OAS3: variants seen among roughly 807,000 people sequenced by gnomAD.
The protein encoded by OAS3 is 2'-5'-oligoadenylate synthase 3.
In OAS3, 107 loss-of-function variants were observed where a neutral mutation model predicts 113.0. That is an observed-to-expected ratio of 0.95 (90% CI 0.81 to 1.11). The LOEUF (loss-of-function observed/expected upper bound fraction) is 1.11, where lower values mean the gene tolerates loss of function less well. OAS3 is among the 50% of genes most tolerant of loss of function. The pLI is 0.00. For synonymous variants in OAS3, 552 were observed against 573.6 expected (o/e 0.96, Z 0.54); for missense variants, 1,258 against 1,389.1 (o/e 0.91, Z 1.50).
chr12:112,946,293 A>G (rs941512600), intron 3 of OAS3, among the ~76,000 whole-genome samples: 10 of 152,142 alleles, frequency 6.6e-5, no homozygotes, highest in Admixed American at 5.2e-4. Context: ...GAAATCATGC[A>G]TTTTGGGATG....
In OAS3 at chr12:112,972,511, G is replaced by A. The variant is rs10744791; in HGVS notation, c.*2538G>A. ...CACATATGCTTTTCGATGGAACCAG[G>A]TAAGTTGACGCTAAAGTTCTTATGG... On this transcript the variant is annotated 3_prime_UTR_variant, in exon 16 of 16. Coordinates refer to ENST00000228928, the MANE Select transcript of OAS3 (RefSeq NM_006187.4). 0.78 allele frequency: 118,905 copies of A among 152,196 alleles called. 47,514 individuals are homozygous for A. Among genetic ancestry groups the A allele is most frequent in the African/African-American group, 0.94 (39,244 of 41,536 alleles). 9.4% of individuals were successfully genotyped at this position (152,196 alleles called of 1,614,324 possible).
chr12:112,964,523 A>G, intron 11 of OAS3, 115 bp downstream of exon 11: 1 of 1,093,086 alleles, frequency 9.1e-7, no homozygotes, highest in South Asian at 1.6e-5. Context: ...AAAGCCAGGC[A>G]TAGAGAAAGA....
At chr12:112,942,570 CAGGTGTAGT>C (rs2043689434) in intron 2 of OAS3, among the ~76,000 whole-genome samples, 1 of 151,634 alleles carries the variant, frequency 6.6e-6, no homozygotes, top group Non-Finnish European at 1.5e-5. Flanking sequence ...AAAAAATAGC[CAGGTGTAGT>C]AGTACATGCC....
In OAS3 at chr12:112,967,945, A is replaced by T; in HGVS notation, c.2875A>T (p.Ile959Phe). The change falls in exon 14 of 16, where the codon ATC becomes TTC. Residue 959 changes from isoleucine to phenylalanine, a missense_variant. Ile to Phe is a conservative substitution (Grantham distance 21, BLOSUM62 0). Coordinates refer to ENST00000228928, the MANE Select transcript of OAS3 (RefSeq NM_006187.4). Reference protein sequence around the residue: ...VKHWYQQCTKISKGRGSLPPQ... With the variant: ...VKHWYQQCTKFSKGRGSLPPQ... ...TCTTCTCGTTCTCCAGTGTACCAAG[A>T]TCTCCAAGGGGAGAGGCTCCCTACC... 6.2e-7 allele frequency: 1 copy of T among 1,613,516 alleles called. No homozygotes were observed. The highest frequency in any genetic ancestry group is 8.5e-7 in the Non-Finnish European group (1 of 1,179,600).
rs751365933 is a variant in OAS3 at position 112,941,649 on chromosome 12, G to T, written c.257G>T (p.Ser86Ile). 6.2e-7 allele frequency: 1 copy of T among 1,614,062 alleles called. No homozygotes were observed. The change falls in exon 2 of 16, where the codon AGC becomes ATC. Residue 86 changes from serine to isoleucine, a missense_variant. By Grantham distance (142) the Ser-to-Ile change is moderately radical. Coordinates refer to ENST00000228928, the MANE Select transcript of OAS3 (RefSeq NM_006187.4). Reference protein sequence around the residue: ...ELVIFLDCFKSYVDQRARRAE... With the variant: ...ELVIFLDCFKIYVDQRARRAE... ...GTCATCTTCCTCGACTGCTTCAAGA[G>T]CTATGTGGACCAGAGGGCCCGCCGT...
rs750281571 is a variant in OAS3 at position 112,950,789 on chromosome 12, C to A, written c.1471C>A (p.Pro491Thr). ...NCFTDYKDQG[P>T]RRAEILDEMR... ...CTTCACGGACTACAAGGACCAGGGG[C>A]CCCGCCGCGCAGAGATCCTTGATGA... The change falls in exon 7 of 16, where the codon CCC becomes ACC. Residue 491 changes from proline (P) to threonine (T), a missense_variant. Transcript: ENST00000228928. The A allele has an allele frequency of 6.8e-6, 11 of 1,614,024 alleles. 1 individual carries two copies. In the South Asian group the frequency reaches 1.2e-4, roughly 18 times the overall value.
At chr12:112,948,502 CAAAAAAA>C (rs35812521) in intron 5 of OAS3, among the ~76,000 whole-genome samples, 1 of 99,488 alleles carries the variant, frequency 1.0e-5, no homozygotes, top group Non-Finnish European at 1.9e-5. Context: ...GACTCCGTCC[CAAAAAAA>C]AAAAAAAAAA....
intron 7 of OAS3, among the ~76,000 whole-genome samples, chr12:112,959,332 C>T (rs569469852): frequency 4.0e-5 from 6 of 151,598 alleles, no homozygotes; most frequent in East Asian, 3.9e-4. Context: ...GCTCATGGTC[C>T]GTGGGTTGTA....
rs1174320555 is a variant in OAS3, at chr12:112,973,109, A to T, written c.*3136A>T. The T allele has an allele frequency of 1.3e-5, 2 of 152,156 alleles. No homozygotes were observed. Among genetic ancestry groups the T allele is most frequent in the Admixed American group, 6.5e-5 (1 of 15,272 alleles). 9.4% of individuals were successfully genotyped at this position (152,156 alleles called of 1,614,324 possible). ...CATCATAATAATTCCAGACATTTTC[A>T]TCACCCTAAAAGGAAACCCTGAAAC... On this transcript the variant is annotated 3_prime_UTR_variant, in exon 16 of 16. Transcript: ENST00000228928.
At chr12:112,949,888 G>A (rs1443810390) in intron 6 of OAS3, among the ~76,000 whole-genome samples, 1 of 152,118 alleles carries the variant, frequency 6.6e-6, no homozygotes, top group East Asian at 1.9e-4. Context: ...GCATGGTGAC[G>A]GGCCCCTGTA....
In OAS3 at chr12:112,963,292, A is replaced by G. The variant is rs1414525000; in HGVS notation, c.2085-21A>G. On this transcript the variant is annotated intron_variant, in intron 9 of 15. Transcript: ENST00000228928. The surrounding 1 kb of genome is among the most constrained non-coding windows in gnomAD (Gnocchi z 4.6). ...TCACTGACTCCCACCTTCCCCACCC[A>G]CCTTCCTGCTGTGCCCCCAGACCCC... is the stretch of plus-strand genomic sequence containing the variant. 4 of 1,540,926 alleles carry G rather than the reference A, an allele frequency of 2.6e-6. No individual in the cohort carries two copies. The highest frequency in any genetic ancestry group is 1.9e-5 in the Admixed American group (1 of 53,320).
intron 14 of OAS3, 191 bp from the exon 15 acceptor site, chr12:112,969,417 A>G (rs1307272359): frequency 3.1e-6 from 2 of 639,176 alleles, no homozygotes; most frequent in Non-Finnish European, 2.7e-6. Context: ...TGAATGCAGA[A>G]TGGCAAAGTG....
chr12:112,948,115 C>G lies in OAS3; in HGVS notation c.1029+16C>G. ...GAAGGGGCCGGTAAGTGAGGGGGCC[C>G]CAGGACCCTTGGGTTTTGCACTTTG... On this transcript the variant is annotated intron_variant, in intron 5 of 15. Coordinates refer to ENST00000228928, the MANE Select transcript of OAS3 (RefSeq NM_006187.4). The G allele has an allele frequency of 1.3e-6, 2 of 1,501,142 alleles. No homozygotes were observed. Among genetic ancestry groups the G allele is most frequent in the Non-Finnish European group, 8.9e-7 (1 of 1,126,554 alleles). 93.0% of individuals were successfully genotyped at this position (1,501,142 alleles called of 1,614,324 possible).
chr12:112,954,138 C>T lies in OAS3; in HGVS notation c.1657+3163C>T, dbSNP rs2043813714. On this transcript the variant is annotated intron_variant, in intron 7 of 15. Coordinates refer to ENST00000228928, the MANE Select transcript of OAS3 (RefSeq NM_006187.4). The surrounding 1 kb of genome is among the most constrained non-coding windows in gnomAD (Gnocchi z 4.0). ...ATGGTTTTAGGTCTAAGATGTAAGT[C>T]TTTAATCCATCTTGAATTAATTTTG... Among the ~76,000 whole-genome samples, 1 of 152,160 alleles carries T rather than the reference C, an allele frequency of 6.6e-6. No homozygotes were observed. Among genetic ancestry groups the T allele is most frequent in the Admixed American group, 6.5e-5 (1 of 15,280 alleles).
At chr12:112,960,477 G>GT (rs1479912330) in intron 7 of OAS3, among the ~76,000 whole-genome samples, 1 of 150,690 alleles carries the variant, frequency 6.6e-6, no homozygotes, top group Non-Finnish European at 1.5e-5. Context: ...AGACTCAATT[G>GT]TAGCTTCCTC....
chr12:112,943,890 A>C (rs7131998), intron 2 of OAS3, among the ~76,000 whole-genome samples: 112,764 of 151,762 alleles, frequency 0.74, 42,859 homozygotes, highest in African/African-American at 0.9. Context: ...ATTTTTGTAT[A>C]TTTTGTTGGC....
chr12:112,948,535 C>G (rs1177169169), intron 5 of OAS3, among the ~76,000 whole-genome samples: 1 of 147,966 alleles, frequency 6.8e-6, no homozygotes, highest in Non-Finnish European at 1.5e-5. Flanking sequence ...CACAGGGCAT[C>G]AGGCATGTAA....
rs1191320283 is a variant in OAS3, at chr12:112,961,119, T to A, written c.1706T>A (p.Leu569His). The A allele has an allele frequency of 1.2e-6, 2 of 1,613,382 alleles. No homozygotes were observed. Among genetic ancestry groups the A allele is most frequent in the South Asian group, 2.2e-5 (2 of 91,036 alleles). ...CCAAATCCCCAGGTCTACTCGAGGC[T>A]CCTCACCAGTGGCTGCCAGGAGGGC... ...TKPNPQVYSRLLTSGCQEGEH... is the reference protein window; with the variant it reads ...TKPNPQVYSRHLTSGCQEGEH... Residue 569 changes from leucine to histidine, a missense_variant, in exon 8 of 16, where the codon CTC (leucine) becomes CAC (histidine). Transcript: ENST00000228928.
In OAS3 at chr12:112,950,710, G is replaced by T; in HGVS notation, c.1392G>T (p.Arg464=). 6.2e-7 allele frequency: 1 copy of T among 1,613,810 alleles called. No homozygotes were observed. The highest frequency in any genetic ancestry group is 8.5e-7 in the Non-Finnish European group (1 of 1,179,800). The part of the protein sequence containing the change: ...SRVSKGGSFG[R]GTDLRDGCDV... ...CTCCACAGGGGGGCTCATTTGGCCG[G>T]GGCACAGACCTAAGGGATGGCTGTG... Residue 464 remains arginine, a synonymous_variant, in exon 7 of 16, where the codon CGG becomes CGT. Coordinates refer to ENST00000228928, the MANE Select transcript of OAS3 (RefSeq NM_006187.4).
Sources: allele counts gnomAD v4.1 joint callset (sites outside exome capture counted in the v4.1 genomes callset), GRCh38; gene constraint gnomAD v4.1.1; non-coding constraint Gnocchi (gnomAD v3.1); transcripts MANE v1.5; gene names NCBI Gene and HGNC (gene_info 2026-07-23, HGNC 2026-07-21).